Variants in PHACTR4 observed in about 807,000 individuals in gnomAD.
PHACTR4 encodes protein phosphatase 1, regulatory subunit 124.
Under a neutral mutation model 72.7 loss-of-function variants are expected in PHACTR4, and 51 were observed. The ratio of observed to expected loss-of-function variants is 0.70; its 90% confidence interval spans 0.56 to 0.89. The LOEUF (loss-of-function observed/expected upper bound fraction) is 0.89, where lower values mean the gene tolerates loss of function less well. PHACTR4 is among the 40% of genes least tolerant of loss of function. The pLI is 0.00. For missense variants in PHACTR4, 731 were observed against 861.8 expected, an observed-to-expected ratio of 0.85 and a Z score of 1.90; for synonymous variants, 255 against 302.5, an observed-to-expected ratio of 0.84 and a Z score of 1.63.
At chr1:28,426,301 C>T (rs1438016025) in intron 2 of PHACTR4, among the ~76,000 whole-genome samples, 1 of 152,034 alleles carries the variant, frequency 6.6e-6, no homozygotes, top group Non-Finnish European at 1.5e-5. Flanking sequence ...GTGAAGATTT[C>T]TTCAGCGCAT....
In PHACTR4 at chr1:28,380,221, T is replaced by C. The variant is rs564569449; in HGVS notation, c.-39+10396T>C. 8.7e-4 allele frequency among the ~76,000 whole-genome samples: 131 copies of C among 150,756 alleles called. 2 individuals are homozygous for C. The highest frequency in any genetic ancestry group is 1.7e-3 in the Admixed American group (25 of 15,138). On this transcript the variant is annotated intron_variant, in intron 1 of 13. Transcript: ENST00000373839. ...ACAGGCGTCCGCTACCACGCCCGGC[T>C]AATTTTTTGTATTTTTAGTAGAGAC...
intron 2 of PHACTR4, among the ~76,000 whole-genome samples, chr1:28,430,130 C>T (rs182767025): frequency 4.6e-5 from 7 of 152,152 alleles, no homozygotes; most frequent in Admixed American, 3.3e-4. Flanking sequence ...TCACGCCATT[C>T]TCCTGCCTCA....
intron 1 of PHACTR4, among the ~76,000 whole-genome samples, chr1:28,382,048 G>A (rs367939983): frequency 3.3e-5 from 5 of 152,052 alleles, no homozygotes; most frequent in South Asian, 2.1e-4. Flanking sequence ...GATTACAGGC[G>A]TGAGCCACTG....
At chr1:28,371,965 T>C (rs1157683479) in intron 1 of PHACTR4, among the ~76,000 whole-genome samples, 2 of 151,958 alleles carry the variant, frequency 1.3e-5, no homozygotes, top group African/African-American at 4.8e-5. Flanking sequence ...CACTGCAACC[T>C]CTTCCTCCTG....
intron 9 of PHACTR4, among the ~76,000 whole-genome samples, chr1:28,483,267 C>T (rs1362569409): frequency 1.3e-5 from 2 of 151,900 alleles, no homozygotes; most frequent in African/African-American, 4.8e-5. Context: ...TGGTGACACA[C>T]GTTTATGGTC....
intron 9 of PHACTR4, among the ~76,000 whole-genome samples, chr1:28,488,236 G>A (rs186956758): frequency 0.011 from 1,605 of 152,126 alleles, 11 homozygotes; most frequent in Non-Finnish European, 0.016. Context: ...GGTGGCTCAC[G>A]CCTGTAATCC....
intron 2 of PHACTR4, among the ~76,000 whole-genome samples, chr1:28,458,772 A>G (rs143787134): frequency 5.8e-4 from 88 of 152,324 alleles, no homozygotes; most frequent in African/African-American, 2.0e-3. Flanking sequence ...GATCTCATGC[A>G]TTTGTTAAGA....
intron 1 of PHACTR4, 144 bp from the exon 2 acceptor site, chr1:28,407,264 ACT>A: frequency 5.4e-6 from 2 of 369,540 alleles, no homozygotes; most frequent in Non-Finnish European, 4.8e-6. Flanking sequence ...AAAAAAAAAA[ACT>A]ATCATTTAAT....
intron 8 of PHACTR4, among the ~76,000 whole-genome samples, chr1:28,479,048 C>T (rs548775527): frequency 2.6e-5 from 4 of 152,248 alleles, no homozygotes; most frequent in African/African-American, 9.6e-5. Flanking sequence ...CTTTGGGAGG[C>T]CGAGGCCGGT....
At chr1:28,454,849 C>T (rs1331561745) in intron 2 of PHACTR4, among the ~76,000 whole-genome samples, 2 of 152,058 alleles carry the variant, frequency 1.3e-5, no homozygotes, top group African/African-American at 4.8e-5. Context: ...ATATAAATGG[C>T]CTAAACACTC....
intron 1 of PHACTR4, among the ~76,000 whole-genome samples, chr1:28,384,243 G>C (rs1652400460): frequency 6.6e-6 from 1 of 152,164 alleles, no homozygotes; most frequent in Non-Finnish European, 1.5e-5. Flanking sequence ...AATGGTACCA[G>C]CTCTTCTTGG....
intron 1 of PHACTR4, among the ~76,000 whole-genome samples, chr1:28,386,718 C>T (rs1314264052): frequency 6.6e-6 from 1 of 152,018 alleles, no homozygotes; most frequent in Non-Finnish European, 1.5e-5. Flanking sequence ...CATTTTGAAC[C>T]TTGTAAGACA....
chr1:28,443,716 A>T (rs890239391), intron 2 of PHACTR4, among the ~76,000 whole-genome samples: 1 of 152,020 alleles, frequency 6.6e-6, no homozygotes, highest in African/African-American at 2.4e-5. Flanking sequence ...CAGCCTTCCA[A>T]AGTGCTGGGA....
chr1:28,465,449 T>C (rs1350539894), intron 4 of PHACTR4, among the ~76,000 whole-genome samples: 1 of 152,090 alleles, frequency 6.6e-6, no homozygotes, highest in East Asian at 1.9e-4. Flanking sequence ...TGTGAGACCC[T>C]GTCTCAAATC....
intron 1 of PHACTR4, among the ~76,000 whole-genome samples, chr1:28,373,438 G>A (rs1488161137): frequency 6.6e-6 from 1 of 151,990 alleles, no homozygotes; most frequent in African/African-American, 2.4e-5. Flanking sequence ...TTACAGGCAT[G>A]TGCCAACATG....
chr1:28,380,418 T>A (rs1209064001), intron 1 of PHACTR4, among the ~76,000 whole-genome samples: 4 of 152,130 alleles, frequency 2.6e-5, no homozygotes, highest in Non-Finnish European at 4.4e-5. Context: ...TAAACTTGTA[T>A]CATGGAGGTT....
intron 4 of PHACTR4, among the ~76,000 whole-genome samples, chr1:28,462,472 A>G (rs1271707251): frequency 6.6e-6 from 1 of 151,786 alleles, no homozygotes; most frequent in African/African-American, 2.4e-5. Flanking sequence ...GGTTCAAGCA[A>G]TTCTCCTTCC....
intron 12 of PHACTR4, among the ~76,000 whole-genome samples, chr1:28,492,463 A>T (rs1423589866): frequency 2.0e-5 from 3 of 146,712 alleles, no homozygotes; most frequent in Admixed American, 6.9e-5. Flanking sequence ...AATTAAAATT[A>T]AAAAAAAAAC....
chr1:28,480,325 T>C, intron 8 of PHACTR4, 126 bp from the exon 9 acceptor site: 1 of 1,118,848 alleles, frequency 8.9e-7, no homozygotes, highest in Non-Finnish European at 1.3e-6. Context: ...GCTGGATCAT[T>C]TGAGGCCAGG....
Sources: allele counts gnomAD v4.1 joint callset (sites outside exome capture counted in the v4.1 genomes callset), GRCh38; gene constraint gnomAD v4.1.1; transcripts MANE v1.5; gene names NCBI Gene and HGNC (gene_info 2026-07-23, HGNC 2026-07-21).